Variants in GNB1L observed in about 807,000 individuals in gnomAD.
The protein encoded by GNB1L is G protein subunit beta 1 like.
Under a neutral mutation model 29.1 loss-of-function variants are expected in GNB1L, and 20 were observed. That is an observed-to-expected ratio of 0.69 (90% CI 0.48 to 1.00). GNB1L has a LOEUF of 1.00. Among genes scored for constraint, GNB1L ranks in the 50% least tolerant of loss-of-function variants. GNB1L has a pLI of 0.00. For missense variants in GNB1L, 421 were observed against 464.9 expected (o/e 0.91, Z 0.87); for synonymous variants, 193 against 206.5 (o/e 0.93, Z 0.56).
chr22:19,804,192 C>T (rs527704327), intron 6 of GNB1L, among the ~76,000 whole-genome samples: 2 of 152,402 alleles, frequency 1.3e-5, no homozygotes, highest in African/African-American at 4.8e-5. Flanking sequence ...TCGGTGCCCA[C>T]AGCCTTGATG....
At chr22:19,845,301 C>T (rs1569055395) in intron 2 of GNB1L, among the ~76,000 whole-genome samples, 1 of 152,360 alleles carries the variant, frequency 6.6e-6, no homozygotes, top group East Asian at 1.9e-4. Flanking sequence ...GCCTCCCACT[C>T]GCTCTGCCCT....
chr22:19,818,299 G>A (rs1387015116), intron 4 of GNB1L, among the ~76,000 whole-genome samples: 2 of 152,228 alleles, frequency 1.3e-5, no homozygotes, highest in Admixed American at 6.5e-5. Context: ...GACCACCAAG[G>A]GCTACATTGT....
Position 19,851,134 on chromosome 22 carries a change from T to C in GNB1L, c.-21+3309A>G, listed in dbSNP as rs1044239781. ...TCAAGCCACACAGGCCACTTCATCA[T>C]GAGGGGCAGCATTGTTCCCACCTGG... is the stretch of plus-strand genomic sequence containing the variant. On this transcript the variant is annotated intron_variant, in intron 2 of 7. Coordinates refer to ENST00000329517, the MANE Select transcript of GNB1L (RefSeq NM_053004.3). 1.0e-5 allele frequency: 16 copies of C among 1,549,886 alleles called. No homozygotes were observed. The Admixed American group carries it at 2.5e-4, about 24-fold the overall frequency.
chr22:19,851,463 G>A lies in GNB1L; in HGVS notation c.-21+2980C>T, dbSNP rs572316704. The A allele has an allele frequency of 6.2e-6, 10 of 1,614,108 alleles. No individual in the cohort carries two copies. The East Asian group carries it at 2.2e-4, about 36-fold the overall frequency. ...CTGGGCAGGACTGGGGGCTCCTTGGGCCCAGGGGTGCTCTCCTTGGTCAGC... is the reference window on the plus strand; with the variant it reads ...CTGGGCAGGACTGGGGGCTCCTTGGACCCAGGGGTGCTCTCCTTGGTCAGC... On this transcript the variant is annotated intron_variant, in intron 2 of 7. Coordinates refer to ENST00000329517, the MANE Select transcript of GNB1L (RefSeq NM_053004.3).
intron 2 of GNB1L, among the ~76,000 whole-genome samples, chr22:19,836,955 C>T (rs1237983957): frequency 1.3e-5 from 2 of 151,952 alleles, no homozygotes; most frequent in Admixed American, 1.3e-4. Context: ...GAAACCTTTG[C>T]TCTTGAAAAG....
intron 4 of GNB1L, 33 bp from the exon 5 acceptor site, chr22:19,812,480 C>T (rs1260682970): frequency 6.3e-7 from 1 of 1,586,944 alleles, no homozygotes; most frequent in Non-Finnish European, 8.6e-7. Context: ...GCCTGAGACT[C>T]CCCTTGACAA....
intron 4 of GNB1L, among the ~76,000 whole-genome samples, 160 bp downstream of exon 4, chr22:19,820,438 G>T (rs985466226): frequency 6.6e-6 from 1 of 152,158 alleles, no homozygotes; most frequent in Admixed American, 6.5e-5. Flanking sequence ...TGTGACAAGG[G>T]GCTGGACCTG....
intron 2 of GNB1L, among the ~76,000 whole-genome samples, chr22:19,853,669 T>C (rs2032796604): frequency 6.6e-6 from 1 of 151,954 alleles, no homozygotes. Flanking sequence ...CCACTGGCCC[T>C]ACCTCCACCA....
At chr22:19,798,440 C>T (rs775440060) in intron 7 of GNB1L, among the ~76,000 whole-genome samples, 1 of 152,232 alleles carries the variant, frequency 6.6e-6, no homozygotes, top group Non-Finnish European at 1.5e-5. Context: ...ATGGGCCTCA[C>T]TGGAAGCCAC....
At chr22:19,819,178 G>A (rs897808437) in intron 4 of GNB1L, among the ~76,000 whole-genome samples, 28 of 152,326 alleles carry the variant, frequency 1.8e-4, no homozygotes, top group African/African-American at 6.0e-4. Context: ...CTCCAGGGCC[G>A]CAGCACGTGG....
rs1057403788 is a variant in GNB1L at position 19,788,840 on chromosome 22, T to C, written c.853A>G (p.Met285Val). ...AAGGCCAGCACGGCCAGTGGCTGCA[T>C]CGTCCGCCAGTGGAACACGCGGATG... ...HRIRVFHWRT[M>V]QPLAVLAFHS... The change falls in exon 8 of 8, where the codon ATG (methionine) becomes GTG (valine). Residue 285 changes from methionine to valine, a missense_variant. By Grantham distance (21) the Met-to-Val change is conservative (BLOSUM62 1). Transcript: ENST00000329517. 1 of 1,612,492 alleles carries C rather than the reference T, an allele frequency of 6.2e-7. No homozygotes were observed. The highest frequency in any genetic ancestry group is 8.5e-7 in the Non-Finnish European group (1 of 1,179,894).
Position 19,788,798 on chromosome 22 carries a change from G to A in GNB1L, c.895C>T (p.Gln299Ter). The A allele has an allele frequency of 6.2e-7, 1 of 1,612,610 alleles. No homozygotes were observed. The highest frequency in any genetic ancestry group is 1.7e-4 in the Middle Eastern group (1 of 6,050). Residue 299 changes from glutamine to a stop codon, truncating the protein, a stop_gained, in exon 8 of 8, where the codon CAG becomes TAG. Transcript: ENST00000329517. LOFTEE classifies it high-confidence loss of function. The stretch of plus-strand genomic sequence containing the variant: ...CCATCGGCGGTGAAGGCCACGCACT[G>A]GACAGCGGCGCTGTGGAAGGCCAGC... ...AVLAFHSAAV[Q>*]CVAFTADGLL...
chr22:19,800,534 TC>T (rs1209683307), intron 7 of GNB1L, among the ~76,000 whole-genome samples: 1 of 152,132 alleles, frequency 6.6e-6, no homozygotes, highest in Non-Finnish European at 1.5e-5. Context: ...TGGCTCTGCC[TC>T]CCAGCGCCCA....
At chr22:19,789,492 G>T (rs770923839) in intron 7 of GNB1L, among the ~76,000 whole-genome samples, 4 of 152,066 alleles carry the variant, frequency 2.6e-5, no homozygotes, top group Non-Finnish European at 4.4e-5. Flanking sequence ...AAGACCCAGT[G>T]GGGGGTTGGC....
chr22:19,833,056 A>G (rs1433918830), intron 2 of GNB1L, among the ~76,000 whole-genome samples: 1 of 152,176 alleles, frequency 6.6e-6, no homozygotes, highest in African/African-American at 2.4e-5. Flanking sequence ...CTAGCGCCAA[A>G]CTCAGCTCTC....
chr22:19,841,604 T>C (rs1937862161), intron 2 of GNB1L, among the ~76,000 whole-genome samples: 1 of 152,160 alleles, frequency 6.6e-6, no homozygotes, highest in Non-Finnish European at 1.5e-5. Context: ...ATCACACTAC[T>C]GCACTGCAGC....
At chr22:19,852,684 G>A (rs1223142532) in intron 2 of GNB1L, among the ~76,000 whole-genome samples, 2 of 152,210 alleles carry the variant, frequency 1.3e-5, no homozygotes, top group Non-Finnish European at 2.9e-5. Flanking sequence ...AAGGCAGAAT[G>A]ACAGATGCTG....
chr22:19,821,127 C>T lies in GNB1L; in HGVS notation c.128+101G>A, dbSNP rs540073842. On this transcript the variant is annotated intron_variant, in intron 3 of 7. Transcript: ENST00000329517. Reference sequence around the variant, plus strand: ...AAGCCTGGGTGGCGAGCAGTCCATGCCCCTTGGCCAGCACCCTCAAACAAG... The same window carrying T: ...AAGCCTGGGTGGCGAGCAGTCCATGTCCCTTGGCCAGCACCCTCAAACAAG... The T allele has an allele frequency of 4.0e-4, 482 of 1,220,194 alleles. 6 individuals carry two copies. The highest frequency in any genetic ancestry group is 3.8e-3 in the South Asian group (283 of 73,872). 75.6% of individuals were successfully genotyped at this position (1,220,194 alleles called of 1,614,324 possible). A position where few individuals can be genotyped will look rare whatever the true frequency, so the allele number is the denominator to read the frequency against.
chr22:19,819,749 G>A (rs1040460754), intron 4 of GNB1L, among the ~76,000 whole-genome samples: 12 of 152,162 alleles, frequency 7.9e-5, no homozygotes, highest in African/African-American at 2.7e-4. Flanking sequence ...GATGCGTAGG[G>A]TACAGAACAC....
Sources: gnomAD v4.1 joint callset for allele counts (sites outside exome capture counted in the v4.1 genomes callset) on GRCh38, gnomAD v4.1.1 for gene constraint, MANE v1.5 for transcripts, NCBI Gene and HGNC (gene_info 2026-07-23, HGNC 2026-07-21) for gene names.